MVB12B: variants seen among roughly 807,000 people sequenced by gnomAD.
The protein encoded by MVB12B is multivesicular body subunit 12B, also known as ESCRT-I complex subunit MVB12B.
MVB12B carries 16 observed loss-of-function variants against 41.6 expected under a neutral mutation model. The ratio of observed to expected loss-of-function variants is 0.38; its 90% CI spans 0.26 to 0.58. The LOEUF (loss-of-function observed/expected upper bound fraction) is 0.58. MVB12B is among the 20% of genes least tolerant of loss of function. The pLI, the probability that MVB12B is intolerant of heterozygous loss-of-function variation, is 0.62. For synonymous variants in MVB12B, 133 were observed against 139.7 expected (o/e 0.95, Z 0.34); for missense variants, 274 against 380.2 (o/e 0.72, Z 2.32).
intron 3 of MVB12B, among the ~76,000 whole-genome samples, chr9:126,381,869 A>G (rs1278269091): frequency 6.6e-6 from 1 of 152,016 alleles, no homozygotes; most frequent in Non-Finnish European, 1.5e-5. Flanking sequence ...AATCTCTACC[A>G]GTGGAAGTTC....
chr9:126,492,096 T>C (rs1198814892), intron 9 of MVB12B, among the ~76,000 whole-genome samples: 2 of 144,216 alleles, frequency 1.4e-5, no homozygotes, highest in African/African-American at 2.5e-5. Flanking sequence ...AACCTCCCCC[T>C]CCGTCCACTC....
chr9:126,451,313 T>G (rs547074501), intron 7 of MVB12B, among the ~76,000 whole-genome samples: 1 of 152,176 alleles, frequency 6.6e-6, no homozygotes, highest in African/African-American at 2.4e-5. Flanking sequence ...CTGCCCACGG[T>G]AGGTGCTCAC....
In MVB12B at chr9:126,503,322, T is replaced by A; in HGVS notation, c.*59T>A. ...CGCCCAGACTACTGACGGCAGGGGC[T>A]GCTGCCCCCGCCTCCTCCTGCCGCC... is the stretch of plus-strand genomic sequence containing the variant. On this transcript the variant is annotated 3_prime_UTR_variant, in exon 10 of 10. Coordinates refer to ENST00000361171, the MANE Select transcript of MVB12B (RefSeq NM_033446.3). 7.1e-7 allele frequency: 1 copy of A among 1,399,056 alleles called. No individual in the cohort carries two copies. The highest frequency in any genetic ancestry group is 1.2e-5 in the South Asian group (1 of 80,064). The allele number at this position is 1,399,056 out of a possible 1,614,324, so 86.7% of individuals were successfully genotyped here.
intron 9 of MVB12B, among the ~76,000 whole-genome samples, chr9:126,493,066 A>G (rs1193993546): frequency 6.6e-6 from 1 of 152,176 alleles, no homozygotes; most frequent in Admixed American, 6.5e-5. Context: ...GTGTCTTTTC[A>G]GCTTGTAAAT....
chr9:126,333,151 A>G lies in MVB12B; in HGVS notation c.81+6141A>G, dbSNP rs1357016261. On this transcript the variant is annotated intron_variant, in intron 1 of 9. Coordinates refer to ENST00000361171, the MANE Select transcript of MVB12B (RefSeq NM_033446.3). The surrounding 1 kb of genome is among the most constrained non-coding windows in gnomAD (Gnocchi z 4.7). The stretch of plus-strand genomic sequence containing the variant: ...ACCCAGGCTAGAGTGCAGTGGTGCA[A>G]TCTTGGCTCACTGCAACCTCCGCCA... Among the ~76,000 whole-genome samples, 3 of 152,198 alleles carry G rather than the reference A, an allele frequency of 2.0e-5. No homozygotes were observed. The highest frequency in any genetic ancestry group is 4.8e-5 in the African/African-American group (2 of 41,520).
At chr9:126,404,438 C>T (rs7847688) in intron 6 of MVB12B, among the ~76,000 whole-genome samples, 47,883 of 152,064 alleles carry the variant, frequency 0.31, 7,816 homozygotes, top group South Asian at 0.42. Context: ...TGTCACGAGG[C>T]CCCCAGCCGT....
intron 7 of MVB12B, among the ~76,000 whole-genome samples, chr9:126,425,210 C>CT (rs1313171359): frequency 1.3e-5 from 2 of 152,116 alleles, no homozygotes; most frequent in Non-Finnish European, 2.9e-5. Flanking sequence ...GAGTTTGAGG[C>CT]TATAATGTGC....
intron 6 of MVB12B, among the ~76,000 whole-genome samples, chr9:126,410,543 T>TAA (rs553100217): frequency 1.3e-3 from 195 of 152,278 alleles, no homozygotes; most frequent in Non-Finnish European, 2.1e-3. Context: ...CAGTGAGTAG[T>TAA]AACTGCCATA....
Position 126,405,487 on chromosome 9 carries a change from T to C in MVB12B, c.662+9790T>C, listed in dbSNP as rs1831393238. ...AAGGATATTTTACCTTTTATCAGAG[T>C]GGAAGCTGACAGTCTATTTGCAGGT... is the stretch of plus-strand genomic sequence containing the variant. On this transcript the variant is annotated intron_variant, in intron 6 of 9. Transcript: ENST00000361171. Among the ~76,000 whole-genome samples the C allele has an allele frequency of 2.6e-5, 4 of 152,074 alleles. No homozygotes were observed. The South Asian group carries it at 8.3e-4, about 32-fold the overall frequency.
At chr9:126,364,488 G>A (rs1830110041) in intron 2 of MVB12B, among the ~76,000 whole-genome samples, 1 of 152,176 alleles carries the variant, frequency 6.6e-6, no homozygotes, top group Non-Finnish European at 1.5e-5. Context: ...CAGAGGTGGG[G>A]CCAGCACCAT....
rs913522115 is a variant in MVB12B at position 126,416,842 on chromosome 9, G to A, written c.663-5012G>A. 4.6e-5 allele frequency among the ~76,000 whole-genome samples: 7 copies of A among 152,144 alleles called. No homozygotes were observed. The South Asian group carries it at 1.2e-3, about 27-fold the overall frequency. Reference sequence around the variant, plus strand: ...CCTGGCAGGTGGGGCTCCATCCCACGCTGGGGAACTGGAATCTCATCTCGC... The same window carrying A: ...CCTGGCAGGTGGGGCTCCATCCCACACTGGGGAACTGGAATCTCATCTCGC... On this transcript the variant is annotated intron_variant, in intron 6 of 9. Transcript: ENST00000361171.
At chr9:126,327,747 C>G (rs962929327) in intron 1 of MVB12B, among the ~76,000 whole-genome samples, 26 of 152,210 alleles carry the variant, frequency 1.7e-4, no homozygotes, top group Admixed American at 1.7e-3. Flanking sequence ...CACAACTGTT[C>G]TAAATCAGCA....
At chr9:126,435,675 A>AAAAAAC in intron 7 of MVB12B, among the ~76,000 whole-genome samples, 1 of 150,462 alleles carries the variant, frequency 6.6e-6, no homozygotes, top group African/African-American at 2.5e-5. Flanking sequence ...AAAAAAAAAA[A>AAAAAAC]GTTTCTTTCC....
At chr9:126,475,842 C>T (rs1488448174) in intron 7 of MVB12B, among the ~76,000 whole-genome samples, 1 of 152,212 alleles carries the variant, frequency 6.6e-6, no homozygotes, top group African/African-American at 2.4e-5. Context: ...ACAGCCTGGA[C>T]AGTGAGACCC....
intron 7 of MVB12B, among the ~76,000 whole-genome samples, chr9:126,437,844 AT>A (rs1229880362): frequency 1.3e-5 from 2 of 151,892 alleles, no homozygotes; most frequent in African/African-American, 4.8e-5. Context: ...TTTTCACACC[AT>A]TTTTTTTGTG....
At chr9:126,384,328 C>T (rs752943526) in intron 3 of MVB12B, among the ~76,000 whole-genome samples, 14 of 152,102 alleles carry the variant, frequency 9.2e-5, no homozygotes, top group East Asian at 1.9e-4. Context: ...GAGGAAGAAA[C>T]GGTTTCCTGA....
At chr9:126,481,464 C>G (rs759729584) in intron 8 of MVB12B, 40 bp downstream of exon 8, 5 of 1,490,996 alleles carry the variant, frequency 3.4e-6, no homozygotes, top group Non-Finnish European at 9.4e-7. Context: ...TCTGCCACCC[C>G]CCAGCCTGAG....
intron 7 of MVB12B, among the ~76,000 whole-genome samples, chr9:126,431,602 G>A (rs1832333191): frequency 2.0e-5 from 3 of 152,156 alleles, no homozygotes; most frequent in African/African-American, 7.2e-5. Flanking sequence ...TTCCCACTGT[G>A]CTTTCCTTCT....
chr9:126,421,827 C>T (rs1362120305), intron 6 of MVB12B, 27 bp from the exon 7 acceptor site: 8 of 1,565,838 alleles, frequency 5.1e-6, no homozygotes, highest in Non-Finnish European at 6.2e-6. Context: ...CTTGTAATCT[C>T]CTTTCTCTCG....
Sources: gnomAD v4.1 joint callset for allele counts (sites outside exome capture counted in the v4.1 genomes callset) on GRCh38, gnomAD v4.1.1 for gene constraint, Gnocchi (gnomAD v3.1) non-coding constraint, MANE v1.5 for transcripts, NCBI Gene and HGNC (gene_info 2026-07-23, HGNC 2026-07-21) for gene names.